COL6A6: variants seen among roughly 807,000 people sequenced by gnomAD.
The protein encoded by COL6A6 is collagen alpha-6(VI) chain.
COL6A6 carries 183 observed loss-of-function variants against 208.6 expected under a neutral mutation model. That is an observed-to-expected ratio of 0.88 (90% CI 0.78 to 0.99). The LOEUF (loss-of-function observed/expected upper bound fraction) is 0.99, where lower values mean the gene tolerates loss of function less well. Ranked by LOEUF, COL6A6 falls within the 50% of genes least tolerant of loss-of-function variation. COL6A6 has a pLI of 0.00. For synonymous variants in COL6A6, 973 were observed against 1,011.8 expected, an observed-to-expected ratio of 0.96 and a Z score of 0.73; for missense variants, 2,816 against 2,815.2, an observed-to-expected ratio of 1.00 and a Z score of -0.01.
chr3:130,646,072 C>T (rs1356609882), intron 32 of COL6A6, among the ~76,000 whole-genome samples: 1 of 152,098 alleles, frequency 6.6e-6, no homozygotes, highest in South Asian at 2.1e-4. Flanking sequence ...AAGGGAAGCC[C>T]AGCACATTAG....
rs535737846 is a variant in COL6A6 at position 130,606,097 on chromosome 3, T to G, written c.4654-834T>G. Among the ~76,000 whole-genome samples, 9 of 152,336 alleles carry G rather than the reference T, an allele frequency of 5.9e-5. No individual in the cohort carries two copies. The East Asian group carries it at 1.2e-3, about 20-fold the overall frequency. On this transcript the variant is annotated intron_variant, in intron 20 of 36. Transcript: ENST00000358511. Reference sequence around the variant, plus strand: ...AATATGATTAGCAGAATTTAAAGTTTGAAATACTGGCCTCTCAGAGAACAT... The same window carrying G: ...AATATGATTAGCAGAATTTAAAGTTGGAAATACTGGCCTCTCAGAGAACAT...
intron 20 of COL6A6, among the ~76,000 whole-genome samples, chr3:130,601,622 C>A (rs544353061): frequency 6.6e-6 from 1 of 152,294 alleles, no homozygotes; most frequent in East Asian, 1.9e-4. Context: ...TATTGCTATG[C>A]ATTATTTAAA....
chr3:130,596,622 A>G (rs891760201), intron 18 of COL6A6, among the ~76,000 whole-genome samples: 1 of 152,182 alleles, frequency 6.6e-6, no homozygotes, highest in Non-Finnish European at 1.5e-5. Context: ...GTTTATTCAG[A>G]TAGGATTTAT....
At chr3:130,580,171 A>G (rs1019625157) in intron 8 of COL6A6, among the ~76,000 whole-genome samples, 1 of 152,246 alleles carries the variant, frequency 6.6e-6, no homozygotes, top group Non-Finnish European at 1.5e-5. Context: ...AGGTTTAAAC[A>G]GTCATCATCA....
chr3:130,646,586 C>A (rs1449813354), intron 32 of COL6A6, among the ~76,000 whole-genome samples: 4 of 152,082 alleles, frequency 2.6e-5, no homozygotes, highest in Non-Finnish European at 5.9e-5. Flanking sequence ...ACAAAAAAAA[C>A]CAAAGGAGCC....
intron 1 of COL6A6, among the ~76,000 whole-genome samples, chr3:130,546,902 C>T (rs2062518358): frequency 1.6e-5 from 1 of 62,490 alleles, no homozygotes; most frequent in Non-Finnish European, 4.4e-5. Context: ...ATTTACAAAC[C>T]TTATGCTAGA....
At chr3:130,555,651 T>A (rs1463501966) in intron 1 of COL6A6, among the ~76,000 whole-genome samples, 2 of 152,232 alleles carry the variant, frequency 1.3e-5, no homozygotes, top group African/African-American at 2.4e-5. Flanking sequence ...GTATTCCAGA[T>A]TTTTAAAATA....
intron 36 of COL6A6, among the ~76,000 whole-genome samples, chr3:130,672,454 G>A (rs1008031620): frequency 1.3e-5 from 2 of 151,164 alleles, no homozygotes; most frequent in Admixed American, 1.3e-4. Flanking sequence ...CCAGGCTGGA[G>A]TGCAGTGGTG....
chr3:130,649,145 A>G lies in COL6A6; in HGVS notation c.5316A>G (p.Glu1772=). 1 of 1,590,276 alleles carries G rather than the reference A, an allele frequency of 6.3e-7. No individual in the cohort carries two copies. The highest frequency in any genetic ancestry group is 1.7e-4 in the Middle Eastern group (1 of 6,034). ...LDHSRDVTEQ[E]FERMKEMMAF... is the part of the protein sequence containing the mutation. Reference sequence around the variant, plus strand: ...ACTCCCGGGATGTCACTGAGCAGGAATTTGAGCGGATGAAGGAGATGATGG... The same window carrying G: ...ACTCCCGGGATGTCACTGAGCAGGAGTTTGAGCGGATGAAGGAGATGATGG... The change falls in exon 33 of 37, where the codon GAA becomes GAG. Residue 1772 remains glutamate, a synonymous_variant. Transcript: ENST00000358511.
chr3:130,530,135 T>C (rs1250339801), intron 1 of COL6A6, among the ~76,000 whole-genome samples: 1 of 152,226 alleles, frequency 6.6e-6, no homozygotes, highest in East Asian at 1.9e-4. Context: ...GGTTAGGGTA[T>C]GGACTCTGAA....
At chr3:130,517,706 C>T (rs577179014) in intron 1 of COL6A6, among the ~76,000 whole-genome samples, 1 of 152,404 alleles carries the variant, frequency 6.6e-6, no homozygotes, top group South Asian at 2.1e-4. Context: ...AGGGCGCCTC[C>T]TGAGAGGTGC....
chr3:130,661,202 A>C (rs1227856000), intron 34 of COL6A6, among the ~76,000 whole-genome samples: 1 of 152,208 alleles, frequency 6.6e-6, no homozygotes, highest in East Asian at 1.9e-4. Flanking sequence ...AAGATATATT[A>C]CTTTGTTCAC....
At chr3:130,587,191 T>C (rs2063561875) in intron 11 of COL6A6, among the ~76,000 whole-genome samples, 1 of 152,234 alleles carries the variant, frequency 6.6e-6, no homozygotes, top group South Asian at 2.1e-4. Context: ...CTAGTGACAG[T>C]AAACCTCACA....
At chr3:130,573,366 C>G (rs2063211465) in intron 7 of COL6A6, among the ~76,000 whole-genome samples, 1 of 152,144 alleles carries the variant, frequency 6.6e-6, no homozygotes, top group African/African-American at 2.4e-5. Flanking sequence ...CCCCAGTTCT[C>G]TGGCATCTCA....
chr3:130,527,890 CTTTTTTTT>C lies in COL6A6; in HGVS notation c.-32+10511_-32+10518del, dbSNP rs56110472. On this transcript the variant is annotated intron_variant, in intron 1 of 36. Transcript: ENST00000358511. ...CAAGTTACTTCCAATGTTACTTTTC[CTTTTTTTT>C]TTTTTTTTTTTTTTTTTGGTTGTTG... 7.6e-3 allele frequency among the ~76,000 whole-genome samples: 439 copies of C among 57,860 alleles called. 1 individual carries two copies. Among genetic ancestry groups the C allele is most frequent in the East Asian group, 0.028 (78 of 2,776 alleles). The allele number at this position is 57,860 out of a possible 152,430, so 38.0% of individuals were successfully genotyped here.
chr3:130,615,318 G>A (rs970840670), intron 23 of COL6A6, among the ~76,000 whole-genome samples: 1 of 151,632 alleles, frequency 6.6e-6, no homozygotes, highest in Non-Finnish European at 1.5e-5. Flanking sequence ...ATATGATTTT[G>A]TTTTTTTTCT....
Position 130,559,717 on chromosome 3 carries a change from G to A in COL6A6, c.-31-617G>A, listed in dbSNP as rs1001708245. On this transcript the variant is annotated intron_variant, in intron 1 of 36. Transcript: ENST00000358511. Reference sequence around the variant, plus strand: ...AATGCTTTAGGCCAAAATGAGATTGGAAAACCCTTGCCTCATGCAGTTCTG... The same window carrying A: ...AATGCTTTAGGCCAAAATGAGATTGAAAAACCCTTGCCTCATGCAGTTCTG... Among the ~76,000 whole-genome samples, 68 of 152,262 alleles carry A rather than the reference G, an allele frequency of 4.5e-4. 1 individual carries two copies. Among genetic ancestry groups the A allele is most frequent in the Middle Eastern group, 3.4e-3 (1 of 294 alleles).
Position 130,660,241 on chromosome 3 carries a change from G to C in COL6A6, c.5831-1396G>C, listed in dbSNP as rs563288983. ...TCCTACAAAACTGAGCAAATGGGCA[G>C]CCTGCTGTCCCTGATTTTAGAAACT... On this transcript the variant is annotated intron_variant, in intron 34 of 36. Transcript: ENST00000358511. Among the ~76,000 whole-genome samples the C allele has an allele frequency of 4.6e-5, 7 of 152,320 alleles. No homozygotes were observed. The South Asian group carries it at 1.0e-3, about 23-fold the overall frequency.
chr3:130,665,225 A>G (rs745658003), intron 36 of COL6A6, 129 bp downstream of exon 36: 18 of 583,748 alleles, frequency 3.1e-5, no homozygotes, highest in Non-Finnish European at 5.2e-5. Flanking sequence ...GCTACATGAT[A>G]TTAAAATATA....
Sources: gnomAD v4.1 joint callset for allele counts (sites outside exome capture counted in the v4.1 genomes callset) on GRCh38, gnomAD v4.1.1 for gene constraint, MANE v1.5 for transcripts, NCBI Gene and HGNC (gene_info 2026-07-23, HGNC 2026-07-21) for gene names.